The following IQCM variants were observed in gnomAD, a reference collection of about 807,000 sequenced individuals.
IQCM encodes IQ motif containing M, also known as IQ domain-containing protein M.
Under a neutral mutation model 57.6 loss-of-function variants are expected in IQCM, and 45 were observed. The ratio of observed to expected loss-of-function variants is 0.78; its 90% CI spans 0.62 to 1.00. IQCM has a LOEUF of 1.00. Ranked by LOEUF, IQCM falls within the 50% of genes least tolerant of loss-of-function variation. The probability of loss-of-function intolerance (pLI) is 0.00; values close to 1 mark genes in which losing one functional copy is unlikely to be tolerated. For missense variants in IQCM, 468 were observed against 511.6 expected (o/e 0.91, Z 0.82); for synonymous variants, 148 against 158.9 (o/e 0.93, Z 0.51).
At chr4:149,533,058 A>G (rs909011701) in intron 12 of IQCM, among the ~76,000 whole-genome samples, 24 of 152,214 alleles carry the variant, frequency 1.6e-4, no homozygotes, top group Non-Finnish European at 2.9e-4. Flanking sequence ...GCCATGAGGG[A>G]AGAAAATTTT....
chr4:149,467,063 T>G (rs1738931874), intron 12 of IQCM, among the ~76,000 whole-genome samples: 1 of 152,222 alleles, frequency 6.6e-6, no homozygotes, highest in African/African-American at 2.4e-5. Flanking sequence ...GGGGGGCACA[T>G]ATTTTCAGAC....
In IQCM at chr4:149,415,934, G is replaced by A. The variant is rs531189169; in HGVS notation, c.1390+17462C>T. Among the ~76,000 whole-genome samples the A allele has an allele frequency of 3.9e-5, 6 of 152,158 alleles. No homozygotes were observed. The South Asian group carries it at 1.0e-3, about 26-fold the overall frequency. On this transcript the variant is annotated intron_variant, in intron 13 of 13. Transcript: ENST00000636793. ...GAGGGAGGTGGGAGGGATAGCATTA[G>A]GAGAGATACCTAATGTAAATGATGA...
chr4:149,615,510 A>G (rs1224032504), intron 8 of IQCM, among the ~76,000 whole-genome samples: 1 of 152,200 alleles, frequency 6.6e-6, no homozygotes, highest in African/African-American at 2.4e-5. Context: ...AAATTCTAAT[A>G]TAATTCTAAT....
chr4:149,760,994 G>C (rs77983090), intron 2 of IQCM, among the ~76,000 whole-genome samples: 1,909 of 152,108 alleles, frequency 0.013, 16 homozygotes, highest in South Asian at 0.018. Flanking sequence ...GAAAATATCA[G>C]GTATTAGAGG....
intron 7 of IQCM, among the ~76,000 whole-genome samples, chr4:149,668,316 C>A (rs1041617122): frequency 6.6e-6 from 1 of 152,140 alleles, no homozygotes; most frequent in Non-Finnish European, 1.5e-5. Context: ...AATTTCATAT[C>A]CAGCCAAACC....
Position 149,636,972 on chromosome 4 carries a change from C to T in IQCM, c.566-15728G>A, listed in dbSNP as rs536190318. 2.1e-3 allele frequency among the ~76,000 whole-genome samples: 315 copies of T among 150,860 alleles called. 1 individual carries two copies. The highest frequency in any genetic ancestry group is 0.013 in the South Asian group (63 of 4,740). On this transcript the variant is annotated intron_variant, in intron 7 of 13. Coordinates refer to ENST00000636793, the MANE Select transcript of IQCM (RefSeq NM_001363507.2). ...TCCTGGCTAACAAGGTGAAACCCCG[C>T]CTCTACTAAAAATACAAAAAATTAG...
chr4:149,548,292 T>C (rs1313606918), intron 12 of IQCM, among the ~76,000 whole-genome samples, 163 bp downstream of exon 12: 2 of 152,036 alleles, frequency 1.3e-5, no homozygotes, highest in South Asian at 2.1e-4. Flanking sequence ...AATATTAAGA[T>C]CAGATGCAAA....
chr4:149,362,548 T>C (rs1729565936), intron 13 of IQCM, among the ~76,000 whole-genome samples: 1 of 152,184 alleles, frequency 6.6e-6, no homozygotes, highest in South Asian at 2.1e-4. Flanking sequence ...ACCAGGGGTT[T>C]CTGCTTTTGC....
chr4:149,623,176 TTAAA>T (rs985136195), intron 7 of IQCM, among the ~76,000 whole-genome samples: 108 of 152,206 alleles, frequency 7.1e-4, no homozygotes, highest in African/African-American at 2.4e-3. Flanking sequence ...AAAAATAAAA[TTAAA>T]TAAATAAATA....
intron 5 of IQCM, among the ~76,000 whole-genome samples, chr4:149,706,793 C>T (rs990618349): frequency 2.0e-5 from 3 of 151,824 alleles, no homozygotes; most frequent in Non-Finnish European, 2.9e-5. Context: ...AGACCTGTGA[C>T]CTTGAGTGGA....
intron 5 of IQCM, among the ~76,000 whole-genome samples, chr4:149,711,571 C>A (rs1191005393): frequency 1.3e-5 from 2 of 152,122 alleles, no homozygotes; most frequent in Non-Finnish European, 2.9e-5. Flanking sequence ...GCTGCTCTGT[C>A]CTATTCTCTA....
intron 5 of IQCM, among the ~76,000 whole-genome samples, chr4:149,716,141 A>T (rs1764974066): frequency 6.6e-6 from 1 of 152,162 alleles, no homozygotes; most frequent in Admixed American, 6.5e-5. Flanking sequence ...TCAACCTGCC[A>T]TCTACAGCAC....
At chr4:149,594,152 T>C (rs1003411819) in intron 8 of IQCM, among the ~76,000 whole-genome samples, 3 of 152,212 alleles carry the variant, frequency 2.0e-5, no homozygotes, top group African/African-American at 7.2e-5. Flanking sequence ...ATTGGTCTAT[T>C]CAGGGATTCA....
chr4:149,486,761 A>G (rs1741565741), intron 12 of IQCM, among the ~76,000 whole-genome samples: 1 of 152,032 alleles, frequency 6.6e-6, no homozygotes. Context: ...ACAAACAAAC[A>G]AAAAAGCCCA....
In IQCM at chr4:149,716,034, G is replaced by T. The variant is rs542985965; in HGVS notation, c.385+17210C>A. Among the ~76,000 whole-genome samples the T allele has an allele frequency of 8.5e-5, 13 of 152,306 alleles. No individual in the cohort carries two copies. The South Asian group carries it at 2.7e-3, about 32-fold the overall frequency. On this transcript the variant is annotated intron_variant, in intron 5 of 13. Coordinates refer to ENST00000636793, the MANE Select transcript of IQCM (RefSeq NM_001363507.2). ...CTCACTCTAGTCCACAGAACTGGCA[G>T]CCCAGCCCCAGGCTTCAGGCCATCC... is the stretch of plus-strand genomic sequence containing the variant.
intron 7 of IQCM, among the ~76,000 whole-genome samples, chr4:149,675,799 C>T (rs1761700644): frequency 1.3e-5 from 2 of 151,946 alleles, no homozygotes; most frequent in Non-Finnish European, 2.9e-5. Context: ...CCTCCTCTCT[C>T]CTGCCAATGA....
chr4:149,435,581 A>T (rs1403127544), intron 12 of IQCM, among the ~76,000 whole-genome samples: 1 of 151,940 alleles, frequency 6.6e-6, no homozygotes, highest in Non-Finnish European at 1.5e-5. Context: ...TTAAAAAAAA[A>T]AAAAACAGTA....
chr4:149,622,880 C>T (rs929135381), intron 7 of IQCM, among the ~76,000 whole-genome samples: 1 of 152,180 alleles, frequency 6.6e-6, no homozygotes, highest in African/African-American at 2.4e-5. Flanking sequence ...TTTAGATAAT[C>T]ATGCTTCTCT....
chr4:149,543,826 A>G (rs1243091794), intron 12 of IQCM, among the ~76,000 whole-genome samples: 1 of 152,188 alleles, frequency 6.6e-6, no homozygotes, highest in Non-Finnish European at 1.5e-5. Context: ...ATAATAAAAC[A>G]TTAAATACTT....
Sources: allele counts gnomAD v4.1 joint callset (sites outside exome capture counted in the v4.1 genomes callset), GRCh38; gene constraint gnomAD v4.1.1; transcripts MANE v1.5; gene names NCBI Gene and HGNC (gene_info 2026-07-23, HGNC 2026-07-21).